SDK1: variants seen among roughly 807,000 people sequenced by gnomAD.
SDK1 encodes the protein sidekick cell adhesion molecule 1.
SDK1 carries 157 observed loss-of-function variants against 245.5 expected under a neutral mutation model. The ratio of observed to expected loss-of-function variants is 0.64; its 90% CI spans 0.56 to 0.73. The LOEUF is 0.73. SDK1 is among the 30% of genes least tolerant of loss of function. SDK1 has a pLI of 0.00. For synonymous variants in SDK1, 1,647 were observed against 1,278.5 expected (o/e 1.29, Z -6.15); for missense variants, 3,583 against 3,002.3 (o/e 1.19, Z -4.52).
At position 4,063,609 on chromosome 7, in the gene SDK1, A is replaced by C. The variant is rs527698583; in HGVS notation, c.2912-4229A>C. 4.6e-5 allele frequency among the ~76,000 whole-genome samples: 7 copies of C among 151,676 alleles called. No homozygotes were observed. The East Asian group carries it at 7.7e-4, about 17-fold the overall frequency. ...TTCACAGAAATAGCAAAAAAAAAAAACAAAAAACCCCGTAAATTCTTGTGG... is the reference window on the plus strand; with the variant it reads ...TTCACAGAAATAGCAAAAAAAAAAACCAAAAAACCCCGTAAATTCTTGTGG... On this transcript the variant is annotated intron_variant, in intron 19 of 44. Transcript: ENST00000404826.
chr7:3,374,523 G>A (rs1010231202), intron 1 of SDK1, among the ~76,000 whole-genome samples: 1 of 152,118 alleles, frequency 6.6e-6, no homozygotes, highest in Non-Finnish European at 1.5e-5. Flanking sequence ...CCACCAGAAG[G>A]TCTCTCTCCT....
intron 20 of SDK1, among the ~76,000 whole-genome samples, chr7:4,069,984 G>C (rs1780145363): frequency 6.6e-6 from 1 of 152,162 alleles, no homozygotes; most frequent in African/African-American, 2.4e-5. Flanking sequence ...CCCACAGCAT[G>C]GGATGCTCAC....
chr7:3,336,899 CTGAA>C (rs1471190216), intron 1 of SDK1, among the ~76,000 whole-genome samples: 1 of 152,170 alleles, frequency 6.6e-6, no homozygotes, highest in Non-Finnish European at 1.5e-5. Context: ...TAGTGGGTAA[CTGAA>C]TGTGCATACC....
chr7:4,043,088 G>A (rs1363056780), intron 17 of SDK1, among the ~76,000 whole-genome samples: 1 of 151,620 alleles, frequency 6.6e-6, no homozygotes, highest in East Asian at 1.9e-4. Flanking sequence ...TGACACCAGG[G>A]AGCCCAGGTA....
At chr7:3,626,139 T>C (rs1782114369) in intron 2 of SDK1, among the ~76,000 whole-genome samples, 1 of 151,776 alleles carries the variant, frequency 6.6e-6, no homozygotes, top group African/African-American at 2.4e-5. Context: ...AGGGTCTTGC[T>C]ATGTTGCCCA....
At chr7:4,216,536 C>G (rs1784808253) in intron 38 of SDK1, among the ~76,000 whole-genome samples, 2 of 152,240 alleles carry the variant, frequency 1.3e-5, no homozygotes, top group South Asian at 4.1e-4. Context: ...ACATGACTTT[C>G]AATATTTTGC....
At chr7:4,075,615 G>C (rs114871131) in intron 20 of SDK1, among the ~76,000 whole-genome samples, 12 of 151,138 alleles carry the variant, frequency 7.9e-5, no homozygotes, top group African/African-American at 2.7e-4. Flanking sequence ...TCCCCTCCAC[G>C]CGGGTTGATT....
At chr7:3,358,473 C>T (rs1305096112) in intron 1 of SDK1, among the ~76,000 whole-genome samples, 5 of 147,360 alleles carry the variant, frequency 3.4e-5, no homozygotes, top group South Asian at 4.4e-4. Context: ...TTCTTTTTTT[C>T]CCCCAGCTAC....
At chr7:3,821,090 T>G (rs775797342) in intron 4 of SDK1, among the ~76,000 whole-genome samples, 1 of 152,210 alleles carries the variant, frequency 6.6e-6, no homozygotes, top group Middle Eastern at 3.2e-3. Context: ...TCCAGCCTTC[T>G]AATTGAAGGG....
chr7:3,861,548 G>A (rs550627462), intron 5 of SDK1, among the ~76,000 whole-genome samples: 116 of 152,232 alleles, frequency 7.6e-4, no homozygotes, highest in Non-Finnish European at 1.5e-3. Flanking sequence ...GAACACAAAT[G>A]GGAGAAAGCA....
chr7:3,465,569 T>C (rs145307906), intron 1 of SDK1, among the ~76,000 whole-genome samples: 4 of 152,288 alleles, frequency 2.6e-5, no homozygotes, highest in Admixed American at 6.5e-5. Flanking sequence ...GCTAGGTTCA[T>C]ATACTGTTGG....
At chr7:3,913,305 T>C (rs1032214363) in intron 5 of SDK1, among the ~76,000 whole-genome samples, 2 of 150,248 alleles carry the variant, frequency 1.3e-5, no homozygotes, top group Non-Finnish European at 3.0e-5. Flanking sequence ...TTTTTTTTTT[T>C]TTTTTTGAGA....
intron 1 of SDK1, among the ~76,000 whole-genome samples, chr7:3,574,832 AT>A (rs1474990438): frequency 6.6e-6 from 1 of 152,118 alleles, no homozygotes; most frequent in Non-Finnish European, 1.5e-5. Flanking sequence ...TGATATGACC[AT>A]GTTAGAATTA....
intron 2 of SDK1, among the ~76,000 whole-genome samples, chr7:3,635,319 G>A (rs1782423462): frequency 6.6e-6 from 1 of 152,156 alleles, no homozygotes; most frequent in Non-Finnish European, 1.5e-5. Flanking sequence ...AGGAGCTCAA[G>A]AAGATTATCA....
chr7:4,122,593 CTTATGATATA>C (rs1160999413), intron 25 of SDK1, among the ~76,000 whole-genome samples: 1 of 152,054 alleles, frequency 6.6e-6, no homozygotes, highest in African/African-American at 2.4e-5. Flanking sequence ...TCTGTGACAT[CTTATGATATA>C]TTATGATATA....
intron 35 of SDK1, among the ~76,000 whole-genome samples, chr7:4,201,545 A>C (rs1483931950): frequency 6.6e-6 from 1 of 152,322 alleles, no homozygotes; most frequent in Non-Finnish European, 1.5e-5. Context: ...TGCTTTACCC[A>C]AACAGTCAGT....
At chr7:4,143,338 G>T (rs1259142125) in intron 28 of SDK1, among the ~76,000 whole-genome samples, 1 of 152,196 alleles carries the variant, frequency 6.6e-6, no homozygotes, top group Non-Finnish European at 1.5e-5. Flanking sequence ...GGTCTTGCCA[G>T]CTGGAGGAGG....
intron 1 of SDK1, among the ~76,000 whole-genome samples, chr7:3,310,455 C>T (rs895732131): frequency 6.6e-5 from 10 of 152,092 alleles, no homozygotes; most frequent in African/African-American, 2.4e-4. Context: ...GAGGTAGATG[C>T]ACTAGAGAGG....
intron 1 of SDK1, among the ~76,000 whole-genome samples, chr7:3,601,567 G>T (rs906951088): frequency 1.3e-5 from 2 of 151,794 alleles, no homozygotes; most frequent in Admixed American, 6.6e-5. Flanking sequence ...ACCATTGTTG[G>T]TGTTGATGAT....
Sources: gnomAD v4.1 joint callset for allele counts (sites outside exome capture counted in the v4.1 genomes callset) on GRCh38, gnomAD v4.1.1 for gene constraint, MANE v1.5 for transcripts, NCBI Gene and HGNC (gene_info 2026-07-23, HGNC 2026-07-21) for gene names.